The following RIMKLA variants were observed in gnomAD, a reference collection of about 807,000 sequenced individuals.
RIMKLA encodes N-acetylaspartylglutamate synthase A.
Under a neutral mutation model 32.7 loss-of-function variants are expected in RIMKLA, and 14 were observed. The observed-to-expected ratio is 0.43, with a 90% CI of 0.28 to 0.67. The LOEUF is 0.67. Among genes scored for constraint, RIMKLA ranks in the 30% least tolerant of loss-of-function variants. The pLI, the probability that RIMKLA is intolerant of heterozygous loss-of-function variation, is 0.18. For synonymous variants in RIMKLA, 176 were observed against 204.1 expected (o/e 0.86, Z 1.18); for missense variants, 410 against 519.0 (o/e 0.79, Z 2.04).
At chr1:42,407,231 T>A (rs1029147571) in intron 3 of RIMKLA, among the ~76,000 whole-genome samples, 2 of 152,238 alleles carry the variant, frequency 1.3e-5, no homozygotes, top group African/African-American at 4.8e-5. Flanking sequence ...TAAATCCTTA[T>A]TAGATATATA....
intron 2 of RIMKLA, among the ~76,000 whole-genome samples, chr1:42,403,456 TCTAAG>T (rs1330290825): frequency 5.9e-5 from 9 of 152,216 alleles, no homozygotes; most frequent in African/African-American, 2.2e-4. Context: ...TGACATGGAC[TCTAAG>T]CTATCAAGAA....
intron 4 of RIMKLA, 35 bp from the exon 5 acceptor site, chr1:42,414,449 G>C (rs1286676428): frequency 1.2e-6 from 2 of 1,603,664 alleles, no homozygotes; most frequent in African/African-American, 2.7e-5. Flanking sequence ...TGACTTCTCA[G>C]TTGTCACCTT....
rs542888905 is a variant in RIMKLA at position 42,420,052 on chromosome 1, C to T, written c.*5078C>T. On this transcript the variant is annotated 3_prime_UTR_variant, in exon 5 of 5. Coordinates refer to ENST00000431473, the MANE Select transcript of RIMKLA (RefSeq NM_173642.4). The stretch of plus-strand genomic sequence containing the variant: ...ACAGTGCGTTCCCCTTGCAGCCAGA[C>T]ATTAGGCACAGATTCATCCCTATTG... 1 of 152,374 alleles carries T rather than the reference C, an allele frequency of 6.6e-6. No individual in the cohort carries two copies. The highest frequency in any genetic ancestry group is 2.4e-5 in the African/African-American group (1 of 41,592). The allele number at this position is 152,374 out of a possible 1,614,324, so 9.4% of individuals were successfully genotyped here.
chr1:42,404,449 C>A, intron 2 of RIMKLA, 62 bp from the exon 3 acceptor site: 1 of 1,105,324 alleles, frequency 9.0e-7, no homozygotes, highest in Non-Finnish European at 1.4e-6. Context: ...AGGGGCGGGG[C>A]TGGGGTGACC....
chr1:42,405,976 T>G (rs1160744631), intron 3 of RIMKLA, among the ~76,000 whole-genome samples: 1 of 152,190 alleles, frequency 6.6e-6, no homozygotes, highest in Non-Finnish European at 1.5e-5. Flanking sequence ...GGACTCTTAG[T>G]GCGATGCAGA....
intron 2 of RIMKLA, among the ~76,000 whole-genome samples, chr1:42,403,719 C>A (rs1025619747): frequency 6.6e-6 from 1 of 152,196 alleles, no homozygotes; most frequent in Non-Finnish European, 1.5e-5. Context: ...AAATGATACC[C>A]ATTGATTACC....
rs1642880220 is a variant in RIMKLA at position 42,380,866 on chromosome 1, G to T, written c.-69G>T. 2 of 1,105,144 alleles carry T rather than the reference G, an allele frequency of 1.8e-6. No individual in the cohort carries two copies. The highest frequency in any genetic ancestry group is 1.7e-5 in the African/African-American group (1 of 60,536). 68.5% of individuals were successfully genotyped at this position (1,105,144 alleles called of 1,614,324 possible). ...CCGGACGCCGGCCGCCCCTCCGCTC[G>T]CCCTACTGAGCGAGCGGCCCGGGGC... is the stretch of plus-strand genomic sequence containing the variant. On this transcript the variant is annotated 5_prime_UTR_variant, in exon 1 of 5. Coordinates refer to ENST00000431473, the MANE Select transcript of RIMKLA (RefSeq NM_173642.4).
intron 4 of RIMKLA, among the ~76,000 whole-genome samples, 159 bp from the exon 5 acceptor site, chr1:42,414,325 C>T (rs1029529634): frequency 1.3e-5 from 2 of 151,862 alleles, no homozygotes; most frequent in African/African-American, 2.4e-5. Context: ...AAAAAATGGC[C>T]GTATTGTTTT....
rs1553175445 is a variant in RIMKLA at position 42,385,747 on chromosome 1, C to CTTTCT, written c.163+4653_163+4657dup. Among the ~76,000 whole-genome samples, 8 of 118,578 alleles carry CTTTCT rather than the reference C, an allele frequency of 6.7e-5. No homozygotes were observed. In the East Asian group the frequency reaches 1.7e-3, roughly 25 times the overall value. 77.8% of individuals were successfully genotyped at this position (118,578 alleles called of 152,430 possible). A position where few individuals can be genotyped will look rare whatever the true frequency, so the allele number is the denominator to read the frequency against. ...TCTTTCTTTCTTTCTTTCTTTCTTT[C>CTTTCT]TTTCTTTCTTTCTTTCTTTCTTTGT... is the stretch of plus-strand genomic sequence containing the variant. On this transcript the variant is annotated intron_variant, in intron 1 of 4. Transcript: ENST00000431473.
intron 4 of RIMKLA, among the ~76,000 whole-genome samples, chr1:42,413,581 C>T (rs1643220442): frequency 6.6e-6 from 1 of 150,982 alleles, no homozygotes; most frequent in South Asian, 2.1e-4. Context: ...AGGTATTTAT[C>T]GTCCCCACCA....
chr1:42,411,406 A>C (rs564618266), intron 4 of RIMKLA, among the ~76,000 whole-genome samples: 1 of 151,048 alleles, frequency 6.6e-6, no homozygotes, highest in Non-Finnish European at 1.5e-5. Context: ...CAAATGCTAG[A>C]TTCAGGTTGA....
At chr1:42,406,144 G>T (rs1214521042) in intron 3 of RIMKLA, among the ~76,000 whole-genome samples, 2 of 152,174 alleles carry the variant, frequency 1.3e-5, no homozygotes, top group African/African-American at 4.8e-5. Flanking sequence ...CTGCCCTCGA[G>T]TAGCTTACGT....
intron 1 of RIMKLA, among the ~76,000 whole-genome samples, chr1:42,393,331 A>G (rs1453598720): frequency 6.6e-6 from 1 of 152,206 alleles, no homozygotes; most frequent in African/African-American, 2.4e-5. Flanking sequence ...CAGGAGTGAA[A>G]AAAATGCATA....
At chr1:42,395,931 T>C (rs773920327) in intron 1 of RIMKLA, among the ~76,000 whole-genome samples, 67 of 152,192 alleles carry the variant, frequency 4.4e-4, no homozygotes, top group Non-Finnish European at 9.6e-4. Flanking sequence ...GCATGTGAAG[T>C]TGCCCATGGC....
Position 42,421,919 on chromosome 1 carries a change from A to G in RIMKLA, c.*6945A>G, listed in dbSNP as rs1364623097. On this transcript the variant is annotated 3_prime_UTR_variant, in exon 5 of 5. Coordinates refer to ENST00000431473, the MANE Select transcript of RIMKLA (RefSeq NM_173642.4). The surrounding 1 kb of genome is among the most constrained non-coding windows in gnomAD (Gnocchi z 4.6). ...TATTGTATTGGTATGGTGTGCTACAATATAATGGCGTGCTATTGCACATCT... is the reference window on the plus strand; with the variant it reads ...TATTGTATTGGTATGGTGTGCTACAGTATAATGGCGTGCTATTGCACATCT... The G allele has an allele frequency of 1.3e-5, 2 of 152,338 alleles. No homozygotes were observed. The highest frequency in any genetic ancestry group is 3.9e-4 in the East Asian group (2 of 5,184). 9.4% of individuals were successfully genotyped at this position (152,338 alleles called of 1,614,324 possible). A position where few individuals can be genotyped will look rare whatever the true frequency, so the allele number is the denominator to read the frequency against.
In RIMKLA at chr1:42,381,006, C is replaced by G; in HGVS notation, c.72C>G (p.Arg24=). ...ACTACCCGCAGGTGCAGATCCTGCG[C>G]GCCCTCCGGCAGCGCTGCTCCGAGC... ...REDYPQVQIL[R]ALRQRCSEQD... The change falls in exon 1 of 5, where the codon CGC becomes CGG. Residue 24 remains arginine (R), a synonymous_variant. Coordinates refer to ENST00000431473, the MANE Select transcript of RIMKLA (RefSeq NM_173642.4). The G allele has an allele frequency of 7.0e-7, 1 of 1,435,868 alleles. No homozygotes were observed. Among genetic ancestry groups the G allele is most frequent in the Non-Finnish European group, 9.1e-7 (1 of 1,093,688 alleles). The allele number at this position is 1,435,868 out of a possible 1,614,324, so 88.9% of individuals were successfully genotyped here.
At chr1:42,393,630 AAAT>A (rs5773772) in intron 1 of RIMKLA, among the ~76,000 whole-genome samples, 60,915 of 151,696 alleles carry the variant, frequency 0.4, 12,767 homozygotes, top group Middle Eastern at 0.54. Flanking sequence ...TTAAAAATAA[AAAT>A]AACTGTTTTA....
intron 2 of RIMKLA, among the ~76,000 whole-genome samples, chr1:42,403,583 T>C (rs1019949987): frequency 2.2e-4 from 33 of 152,246 alleles, no homozygotes; most frequent in Admixed American, 2.1e-3. Context: ...TATAGGAGTA[T>C]GGTGGAGCCA....
At chr1:42,410,752 G>A (rs7413966) in intron 4 of RIMKLA, among the ~76,000 whole-genome samples, 88,785 of 151,988 alleles carry the variant, frequency 0.58, 26,364 homozygotes, top group Non-Finnish European at 0.63. Context: ...GATACTTCAA[G>A]AGGGATGTAA....
Sources: gnomAD v4.1 joint callset for allele counts (sites outside exome capture counted in the v4.1 genomes callset) on GRCh38, gnomAD v4.1.1 for gene constraint, Gnocchi (gnomAD v3.1) non-coding constraint, MANE v1.5 for transcripts, NCBI Gene and HGNC (gene_info 2026-07-23, HGNC 2026-07-21) for gene names.